The following RARB variants were observed in gnomAD, a reference collection of about 807,000 sequenced individuals.
The protein encoded by RARB is retinoic acid receptor beta, also known as HBV-activated protein.
A neutral mutation model predicts 51.9 loss-of-function variants in RARB; 17 were observed. The ratio of observed to expected loss-of-function variants is 0.33; its 90% CI spans 0.22 to 0.49. The LOEUF is 0.49. Among genes scored for constraint, RARB ranks in the 20% least tolerant of loss-of-function variants. The probability of loss-of-function intolerance (pLI) is 0.99; values close to 1 mark genes in which losing one functional copy is unlikely to be tolerated. For synonymous variants in RARB, 215 were observed against 195.4 expected (o/e 1.10, Z -0.84); for missense variants, 369 against 550.8 (o/e 0.67, Z 3.30).
In RARB at chr3:25,310,807, C is replaced by T. The variant is rs368411930; in HGVS notation, c.178+136232C>T. On this transcript the variant is annotated intron_variant, in intron 5 of 11. Coordinates refer to the RARB transcript ENST00000383772. ...GTTTTTGGAAACAGCATGTACAGCA[C>T]TTCCTCAGGCAGTGCCCGTGTCAGT... 6.6e-4 allele frequency among the ~76,000 whole-genome samples: 101 copies of T among 152,204 alleles called. 4 individuals are homozygous for T. The highest frequency in any genetic ancestry group is 3.1e-3 in the East Asian group (16 of 5,190).
chr3:25,144,675 T>A, intron 4 of RARB, among the ~76,000 whole-genome samples: 1 of 152,216 alleles, frequency 6.6e-6, no homozygotes, highest in East Asian at 1.9e-4. Context: ...TTGGGCTAAC[T>A]TCTCCCATTG....
In RARB at chr3:25,051,975, T is replaced by C. The variant is rs377376513; in HGVS notation, c.-379-8150T>C. Among the ~76,000 whole-genome samples, 63 of 152,302 alleles carry C rather than the reference T, an allele frequency of 4.1e-4. 1 individual carries two copies. The South Asian group carries it at 0.012, about 30-fold the overall frequency. On this transcript the variant is annotated intron_variant, in intron 2 of 11. Coordinates refer to the RARB transcript ENST00000383772. Reference sequence around the variant, plus strand: ...TCTACCTCCCAAATATATTTGACACTCATGCTACAGGCACAGTATAAGATG... The same window carrying C: ...TCTACCTCCCAAATATATTTGACACCCATGCTACAGGCACAGTATAAGATG...
chr3:24,892,961 C>T (rs775604904), intron 2 of RARB, among the ~76,000 whole-genome samples: 2 of 152,236 alleles, frequency 1.3e-5, no homozygotes, highest in African/African-American at 2.4e-5. Flanking sequence ...GTAGTATTCT[C>T]TGAATCTTCA....
chr3:24,880,081 T>C (rs1703129645), intron 2 of RARB, among the ~76,000 whole-genome samples: 2 of 152,154 alleles, frequency 1.3e-5, no homozygotes, highest in African/African-American at 4.8e-5. Flanking sequence ...TTCCTCTATT[T>C]TTTGCTTTCT....
chr3:25,218,649 T>C (rs75474913), intron 5 of RARB, among the ~76,000 whole-genome samples: 4,522 of 152,232 alleles, frequency 0.03, 97 homozygotes, highest in East Asian at 0.045. Context: ...AAGCAGGAAG[T>C]CATTTGCTAT....
intron 2 of RARB, among the ~76,000 whole-genome samples, chr3:24,974,879 C>A (rs1696478367): frequency 6.6e-6 from 1 of 152,136 alleles, no homozygotes; most frequent in Non-Finnish European, 1.5e-5. Flanking sequence ...CTAGTCAGGG[C>A]TGTCCAAGAA....
At chr3:25,165,845 T>C (rs572738188) in intron 4 of RARB, among the ~76,000 whole-genome samples, 1 of 152,336 alleles carries the variant, frequency 6.6e-6, no homozygotes, top group Non-Finnish European at 1.5e-5. Context: ...TCTCAGTGTT[T>C]TATACATTGT....
intron 5 of RARB, among the ~76,000 whole-genome samples, chr3:25,208,616 T>C (rs1261678960): frequency 6.6e-6 from 1 of 152,196 alleles, no homozygotes; most frequent in Non-Finnish European, 1.5e-5. Flanking sequence ...TCTTTTTTTT[T>C]CTAGAAAAGA....
intron 2 of RARB, among the ~76,000 whole-genome samples, chr3:25,463,617 C>T (rs1021501432): frequency 5.3e-5 from 8 of 151,172 alleles, no homozygotes; most frequent in South Asian, 2.1e-4. Context: ...AAGCCGAGAT[C>T]GCGCCACTGG....
intron 3 of RARB, among the ~76,000 whole-genome samples, chr3:25,119,555 C>T (rs1326950761): frequency 1.3e-5 from 2 of 151,884 alleles, no homozygotes; most frequent in Non-Finnish European, 2.9e-5. Context: ...CCCCATCCAT[C>T]TTTCAAATGC....
intron 5 of RARB, chr3:25,345,912 A>C: frequency 1.1e-6 from 1 of 882,090 alleles, no homozygotes; most frequent in Non-Finnish European, 1.4e-6. Context: ...AGTTTAAAAA[A>C]AGAGAGAAAA....
rs144987515 is a variant in RARB at position 25,439,596 on chromosome 3, C to T, written c.157+10708C>T. 2.0e-3 allele frequency among the ~76,000 whole-genome samples: 301 copies of T among 152,154 alleles called. 1 individual carries two copies. Among genetic ancestry groups the T allele is most frequent in the African/African-American group, 6.9e-3 (285 of 41,530 alleles). On this transcript the variant is annotated intron_variant, in intron 1 of 7. Transcript: ENST00000330688. ...AGGTTTTTGGAGAGAGAGGGTTTTA[C>T]CATGTTGCCCAGGCTGGTCTTAAAC... is the stretch of plus-strand genomic sequence containing the variant.
Position 25,195,388 on chromosome 3 carries a change from G to A in RARB, c.178+20813G>A, listed in dbSNP as rs138748571. ...AAGAGAATAGATATTTGATGACATTGGATTTGGTTGGTTAATTTCAGCAGT... is the reference window on the plus strand; with the variant it reads ...AAGAGAATAGATATTTGATGACATTAGATTTGGTTGGTTAATTTCAGCAGT... On this transcript the variant is annotated intron_variant, in intron 5 of 11. Coordinates refer to the RARB transcript ENST00000383772. Among the ~76,000 whole-genome samples, 119 of 152,010 alleles carry A rather than the reference G, an allele frequency of 7.8e-4. 1 individual carries two copies. The East Asian group carries it at 0.017, about 22-fold the overall frequency.
In RARB at chr3:25,154,454, A is replaced by G. The variant is rs187011088; in HGVS notation, c.-279-19665A>G. On this transcript the variant is annotated intron_variant, in intron 4 of 11. Coordinates refer to the RARB transcript ENST00000383772. ...GTTCTTTGGATTCATCATGGCGGAGACCAAAGTCTTGGGCCCTCTCAGTGG... is the reference window on the plus strand; with the variant it reads ...GTTCTTTGGATTCATCATGGCGGAGGCCAAAGTCTTGGGCCCTCTCAGTGG... Among the ~76,000 whole-genome samples the G allele has an allele frequency of 3.3e-5, 5 of 152,260 alleles. No homozygotes were observed. The East Asian group carries it at 9.7e-4, about 29-fold the overall frequency.
At chr3:24,906,133 C>T (rs1239235572) in intron 2 of RARB, among the ~76,000 whole-genome samples, 1 of 152,106 alleles carries the variant, frequency 6.6e-6, no homozygotes, top group Non-Finnish European at 1.5e-5. Flanking sequence ...CTAGGCTAGG[C>T]AGGGTGGGTT....
chr3:25,076,567 T>C (rs969670113), intron 3 of RARB, among the ~76,000 whole-genome samples: 1 of 152,172 alleles, frequency 6.6e-6, no homozygotes, highest in Non-Finnish European at 1.5e-5. Flanking sequence ...CATGCAAAAG[T>C]AGGTTTAAAA....
intron 1 of RARB, among the ~76,000 whole-genome samples, chr3:24,849,903 C>T (rs1009702689): frequency 6.6e-6 from 1 of 152,212 alleles, no homozygotes; most frequent in Non-Finnish European, 1.5e-5. Flanking sequence ...AACTTGGACT[C>T]AGAAAGTTTC....
At chr3:25,547,952 G>T (rs995574747) in intron 3 of RARB, among the ~76,000 whole-genome samples, 1 of 152,126 alleles carries the variant, frequency 6.6e-6, no homozygotes, top group Non-Finnish European at 1.5e-5. Context: ...ATTTCTGTTG[G>T]AAGTAAGTAA....
chr3:25,310,526 G>A (rs1704262702), intron 5 of RARB, among the ~76,000 whole-genome samples: 1 of 152,200 alleles, frequency 6.6e-6, no homozygotes, highest in African/African-American at 2.4e-5. Flanking sequence ...GACCTCTCTA[G>A]ATACCATGTA....
Sources: gnomAD v4.1 joint callset for allele counts (sites outside exome capture counted in the v4.1 genomes callset) on GRCh38, gnomAD v4.1.1 for gene constraint, MANE v1.5 for transcripts, NCBI Gene and HGNC (gene_info 2026-07-23, HGNC 2026-07-21) for gene names.